Variants in ZDHHC3 observed in about 807,000 individuals in gnomAD.
The protein encoded by ZDHHC3 is zDHHC palmitoyltransferase 3.
ZDHHC3 carries 9 observed loss-of-function variants against 30.6 expected under a neutral mutation model. The ratio of observed to expected loss-of-function variants is 0.29; its 90% CI spans 0.18 to 0.51. The LOEUF is 0.51. Ranked by LOEUF, ZDHHC3 falls within the 20% of genes least tolerant of loss-of-function variation. The pLI is 0.97. For synonymous variants in ZDHHC3, 136 were observed against 140.2 expected (o/e 0.97, Z 0.21); for missense variants, 246 against 384.2 (o/e 0.64, Z 3.01).
Position 44,923,390 on chromosome 3 carries a change from C to G in ZDHHC3, c.*3299G>C, listed in dbSNP as rs182067279. 41 of 985,348 alleles carry G rather than the reference C, an allele frequency of 4.2e-5. No homozygotes were observed. The East Asian group carries it at 4.1e-3, about 98-fold the overall frequency. The allele number at this position is 985,348 out of a possible 1,614,324, so 61.0% of individuals were successfully genotyped here. The stretch of plus-strand genomic sequence containing the variant: ...GTCCACAGTGAGAAGTGTCCGCGCC[C>G]GGCTTAAAATGTTTGTTAATTTACC... On this transcript the variant is annotated 3_prime_UTR_variant, in exon 7 of 7. Coordinates refer to ENST00000424952, the MANE Select transcript of ZDHHC3 (RefSeq NM_001135179.2).
At position 44,921,801 on chromosome 3, in the gene ZDHHC3, C is replaced by A; in HGVS notation, c.*4888G>T. ...TAAGTAGCCAAGCAGACATTTCAAC[C>A]AAAGACTGAAGCCAGGACCCAAATA... On this transcript the variant is annotated 3_prime_UTR_variant, in exon 7 of 7. Coordinates refer to ENST00000424952, the MANE Select transcript of ZDHHC3 (RefSeq NM_001135179.2). 2 of 985,068 alleles carry A rather than the reference C, an allele frequency of 2.0e-6. No individual in the cohort carries two copies. Among genetic ancestry groups the A allele is most frequent in the Non-Finnish European group, 2.4e-6 (2 of 829,604 alleles). 61.0% of individuals were successfully genotyped at this position (985,068 alleles called of 1,614,324 possible). A position where few individuals can be genotyped will look rare whatever the true frequency, so the allele number is the denominator to read the frequency against.
chr3:44,965,240 C>T (rs1704835380), intron 1 of ZDHHC3, among the ~76,000 whole-genome samples: 1 of 152,076 alleles, frequency 6.6e-6, no homozygotes, highest in Non-Finnish European at 1.5e-5. Context: ...CCTCCAGATC[C>T]ATACATAACA....
At chr3:44,968,097 G>A (rs758493242) in intron 1 of ZDHHC3, among the ~76,000 whole-genome samples, 5 of 152,124 alleles carry the variant, frequency 3.3e-5, no homozygotes, top group South Asian at 2.1e-4. Context: ...TCTGCTTGCC[G>A]TCACAGACTG....
intron 3 of ZDHHC3, among the ~76,000 whole-genome samples, chr3:44,944,844 T>A (rs779309379): frequency 6.6e-6 from 1 of 152,160 alleles, no homozygotes; most frequent in Non-Finnish European, 1.5e-5. Context: ...AGCTGTGAGG[T>A]AGGAAAAGCA....
At chr3:44,932,564 T>C (rs1701585794) in intron 5 of ZDHHC3, among the ~76,000 whole-genome samples, 1 of 152,168 alleles carries the variant, frequency 6.6e-6, no homozygotes, top group Admixed American at 6.5e-5. Flanking sequence ...TCTCCCTCAG[T>C]ATTTGCACAT....
chr3:44,958,906 G>C (rs545180248), intron 2 of ZDHHC3, among the ~76,000 whole-genome samples: 1 of 152,194 alleles, frequency 6.6e-6, no homozygotes, highest in East Asian at 1.9e-4. Flanking sequence ...TGTACTTATA[G>C]TATCATTTAA....
At chr3:44,938,489 A>G (rs1259655412) in intron 3 of ZDHHC3, 1 of 201,120 alleles carries the variant, frequency 5.0e-6, no homozygotes, top group Non-Finnish European at 1.1e-5. Flanking sequence ...TTAGAAGCAC[A>G]AAGGACGATA....
chr3:44,949,296 A>G (rs983608475), intron 2 of ZDHHC3, among the ~76,000 whole-genome samples: 7 of 152,140 alleles, frequency 4.6e-5, no homozygotes, highest in Non-Finnish European at 1.0e-4. Context: ...CATCTATAAC[A>G]GATTTTATAT....
chr3:44,916,336 A>C lies in ZDHHC3; in HGVS notation c.*10353T>G, dbSNP rs1302233545. 1 of 152,208 alleles carries C rather than the reference A, an allele frequency of 6.6e-6. No homozygotes were observed. Among genetic ancestry groups the C allele is most frequent in the Non-Finnish European group, 1.5e-5 (1 of 68,050 alleles). 9.4% of individuals were successfully genotyped at this position (152,208 alleles called of 1,614,324 possible). On this transcript the variant is annotated 3_prime_UTR_variant, in exon 7 of 7. Coordinates refer to ENST00000424952, the MANE Select transcript of ZDHHC3 (RefSeq NM_001135179.2). ...ATCGTTGCCCTTCACAGAGTGTCCA[A>C]AGATGCTGTCCAAGAACCAGGATGC...
chr3:44,935,394 C>T (rs1407951640), intron 3 of ZDHHC3, among the ~76,000 whole-genome samples: 1 of 152,132 alleles, frequency 6.6e-6, no homozygotes, highest in South Asian at 2.1e-4. Flanking sequence ...CTCAGCCTCC[C>T]GAACAGCTGG....
intron 3 of ZDHHC3, among the ~76,000 whole-genome samples, chr3:44,940,802 A>T (rs186491411): frequency 6.6e-6 from 1 of 152,112 alleles, no homozygotes; most frequent in East Asian, 1.9e-4. Context: ...TTCCTCTCCA[A>T]GGAGGTATGA....
chr3:44,943,893 C>G (rs1702666094), intron 3 of ZDHHC3, among the ~76,000 whole-genome samples: 1 of 152,082 alleles, frequency 6.6e-6, no homozygotes. Context: ...GAGGCTGAGG[C>G]AGGAGGATTG....
chr3:44,918,439 A>T lies in ZDHHC3; in HGVS notation c.*8250T>A. ...CCCAGCCCTCCCCTTCTTTCCTTCC[A>T]CAAGTGCAATGCCAGATGATGGGCA... On this transcript the variant is annotated 3_prime_UTR_variant, in exon 7 of 7. Transcript: ENST00000424952. The T allele has an allele frequency of 1.0e-6, 1 of 985,338 alleles. No homozygotes were observed. The highest frequency in any genetic ancestry group is 1.2e-6 in the Non-Finnish European group (1 of 829,916). The allele number at this position is 985,338 out of a possible 1,614,324, so 61.0% of individuals were successfully genotyped here. A position where few individuals can be genotyped will look rare whatever the true frequency, so the allele number is the denominator to read the frequency against.
intron 5 of ZDHHC3, among the ~76,000 whole-genome samples, chr3:44,930,790 T>C (rs1248636262): frequency 6.6e-6 from 1 of 152,148 alleles, no homozygotes; most frequent in Middle Eastern, 3.2e-3. Flanking sequence ...GGGCAGGGCT[T>C]GGTTGGGGTG....
chr3:44,919,297 T>C lies in ZDHHC3; in HGVS notation c.*7392A>G, dbSNP rs2125777150. On this transcript the variant is annotated 3_prime_UTR_variant, in exon 7 of 7. Transcript: ENST00000424952. The stretch of plus-strand genomic sequence containing the variant: ...CCTGATACGGTGCAACGAGGACACA[T>C]TGCTTCAGCAGTGCTCCTGCCCCAA... The C allele has an allele frequency of 1.6e-5, 3 of 188,444 alleles. No individual in the cohort carries two copies. Among genetic ancestry groups the C allele is most frequent in the Middle Eastern group, 5.2e-3 (2 of 386 alleles). The allele number at this position is 188,444 out of a possible 1,614,324, so 11.7% of individuals were successfully genotyped here. A position where few individuals can be genotyped will look rare whatever the true frequency, so the allele number is the denominator to read the frequency against.
Position 44,965,044 on chromosome 3 carries a change from C to T in ZDHHC3, c.-24-5584G>A, listed in dbSNP as rs190360434. On this transcript the variant is annotated intron_variant, in intron 1 of 6. Coordinates refer to ENST00000424952, the MANE Select transcript of ZDHHC3 (RefSeq NM_001135179.2). ...AGAGGTGTTCTGGAGCTCCCTAGTG[C>T]CAGCAATCCTGATAAGATGTGGTGT... Among the ~76,000 whole-genome samples, 243 of 152,166 alleles carry T rather than the reference C, an allele frequency of 1.6e-3. 1 individual carries two copies. Among genetic ancestry groups the T allele is most frequent in the African/African-American group, 5.5e-3 (230 of 41,504 alleles).
At chr3:44,938,047 G>T in intron 3 of ZDHHC3, 1 of 305,304 alleles carries the variant, frequency 3.3e-6, no homozygotes, top group Non-Finnish European at 6.6e-6. Flanking sequence ...GCAATGGTGT[G>T]ATCTCGGCTC....
intron 1 of ZDHHC3, among the ~76,000 whole-genome samples, chr3:44,967,987 C>T (rs943259676): frequency 2.0e-5 from 3 of 152,162 alleles, no homozygotes; most frequent in African/African-American, 7.2e-5. Context: ...AGCTTTTATT[C>T]GCCATTGCAG....
Position 44,923,631 on chromosome 3 carries a change from G to T in ZDHHC3, c.*3058C>A. 1 of 876,906 alleles carries T rather than the reference G, an allele frequency of 1.1e-6. No homozygotes were observed. Among genetic ancestry groups the T allele is most frequent in the Non-Finnish European group, 1.4e-6 (1 of 731,288 alleles). 54.3% of individuals were successfully genotyped at this position (876,906 alleles called of 1,614,324 possible). A position where few individuals can be genotyped will look rare whatever the true frequency, so the allele number is the denominator to read the frequency against. On this transcript the variant is annotated 3_prime_UTR_variant, in exon 7 of 7. Coordinates refer to ENST00000424952, the MANE Select transcript of ZDHHC3 (RefSeq NM_001135179.2). Reference sequence around the variant, plus strand: ...AGCTAGGGCAACACAGTGAGACCCTGACTCTATTAAAAAACAAAAAAATTA... The same window carrying T: ...AGCTAGGGCAACACAGTGAGACCCTTACTCTATTAAAAAACAAAAAAATTA...
Sources: allele counts gnomAD v4.1 joint callset (sites outside exome capture counted in the v4.1 genomes callset), GRCh38; gene constraint gnomAD v4.1.1; transcripts MANE v1.5; gene names NCBI Gene and HGNC (gene_info 2026-07-23, HGNC 2026-07-21).